PCDHGB5: variants seen among roughly 807,000 people sequenced by gnomAD.
PCDHGB5 encodes protocadherin gamma-B5.
Under a neutral mutation model 62.9 loss-of-function variants are expected in PCDHGB5, and 48 were observed. The observed-to-expected ratio is 0.76, with a 90% confidence interval of 0.61 to 0.97. PCDHGB5 has a LOEUF of 0.97. PCDHGB5 is among the 50% of genes least tolerant of loss of function. PCDHGB5 has a pLI of 0.00. For missense variants in PCDHGB5, 1,118 were observed against 1,198.6 expected (o/e 0.93, Z 0.99); for synonymous variants, 474 against 511.2 (o/e 0.93, Z 0.98).
chr5:141,478,901 A>T (rs2099483520), intron 1 of PCDHGB5: 2 of 1,002,034 alleles, frequency 2.0e-6, no homozygotes, highest in African/African-American at 3.3e-5. Flanking sequence ...ATTAGGAATA[A>T]GCTGCTGGAT....
At chr5:141,494,355 G>T (rs910437011) in intron 1 of PCDHGB5, among the ~76,000 whole-genome samples, 4 of 152,234 alleles carry the variant, frequency 2.6e-5, no homozygotes, top group African/African-American at 9.6e-5. Flanking sequence ...CCATCTTGCT[G>T]CAGAGGATGC....
intron 2 of PCDHGB5, among the ~76,000 whole-genome samples, chr5:141,496,841 G>C (rs2099771828): frequency 6.6e-6 from 1 of 151,398 alleles, no homozygotes; most frequent in South Asian, 2.1e-4. Context: ...GAACTCATAG[G>C]CTTCCAGACC....
rs2099705703 is a variant in PCDHGB5, at chr5:141,490,886, C to A, written c.2398-3921C>A. On this transcript the variant is annotated intron_variant, in intron 1 of 3. Transcript: ENST00000617380. This position sits in a 1 kb window ranked among gnomAD's most constrained non-coding sequence, Gnocchi z 5.4. The stretch of plus-strand genomic sequence containing the variant: ...TCTCCCCCATTGCATGCCAACACAT[C>A]TCTGCATGTGTTTGTCCTAGACGAG... The A allele has an allele frequency of 6.2e-7, 1 of 1,613,406 alleles. No homozygotes were observed. Among genetic ancestry groups the A allele is most frequent in the East Asian group, 2.2e-5 (1 of 44,878 alleles).
chr5:141,486,617 C>A lies in PCDHGB5; in HGVS notation c.2398-8190C>A. On this transcript the variant is annotated intron_variant, in intron 1 of 3. Coordinates refer to ENST00000617380, the MANE Select transcript of PCDHGB5 (RefSeq NM_018925.3). The surrounding 1 kb of genome is among the most constrained non-coding windows in gnomAD (Gnocchi z 5.0). The stretch of plus-strand genomic sequence containing the variant: ...GCTTTGCTCCCTTGCAGCCTCTGAC[C>A]CAGACTCTGGCTTGAATGCGCTTAT... The A allele has an allele frequency of 1.2e-6, 2 of 1,613,602 alleles. No homozygotes were observed. The highest frequency in any genetic ancestry group is 2.2e-5 in the East Asian group (1 of 44,874).
At chr5:141,478,526 G>A (rs1402123535) in intron 1 of PCDHGB5, 1 of 1,609,906 alleles carries the variant, frequency 6.2e-7, no homozygotes, top group Admixed American at 1.7e-5. Context: ...GTTGGGTGCA[G>A]AGAGCGCCCC....
intron 1 of PCDHGB5, among the ~76,000 whole-genome samples, chr5:141,483,522 C>G (rs557644901): frequency 9.3e-6 from 1 of 107,172 alleles, no homozygotes; most frequent in African/African-American, 3.9e-5. Flanking sequence ...TAGATCCTGA[C>G]TAAGGAAGCT....
At position 141,422,119 on chromosome 5, in the gene PCDHGB5, C is replaced by T. The variant is rs778866054; in HGVS notation, c.2397+21595C>T. 26 of 1,603,658 alleles carry T rather than the reference C, an allele frequency of 1.6e-5. No homozygotes were observed. In the Admixed American group the frequency reaches 4.2e-4, roughly 26 times the overall value. ...TTCTGAAATATTCCAATTGGATTCA[C>T]AAACTGGAGAAGTTCAAGTACGGGG... On this transcript the variant is annotated intron_variant, in intron 1 of 3. Transcript: ENST00000617380.
chr5:141,435,990 T>C (rs1175877769), intron 1 of PCDHGB5, among the ~76,000 whole-genome samples: 1 of 152,162 alleles, frequency 6.6e-6, no homozygotes, highest in Non-Finnish European at 1.5e-5. Flanking sequence ...TTGTGTGATT[T>C]TTTGAAAGAA....
At chr5:141,475,892 G>A (rs1279219556) in intron 1 of PCDHGB5, 1 of 568,264 alleles carries the variant, frequency 1.8e-6, no homozygotes, top group Non-Finnish European at 3.1e-6. Context: ...GGGACTCTGT[G>A]TGCCGCTGTC....
chr5:141,421,838 A>G (rs2096604619), intron 1 of PCDHGB5: 1 of 1,613,764 alleles, frequency 6.2e-7, no homozygotes, highest in East Asian at 2.2e-5. Flanking sequence ...CTGGACCGAG[A>G]GAAAGAGGCT....
intron 1 of PCDHGB5, chr5:141,441,139 G>C (rs1000704603): frequency 6.6e-6 from 1 of 152,172 alleles, no homozygotes; most frequent in African/African-American, 2.4e-5. Context: ...ATTTCTAGAA[G>C]ATAATGACAA....
intron 1 of PCDHGB5, chr5:141,403,323 C>G: frequency 6.2e-7 from 1 of 1,613,958 alleles, no homozygotes; most frequent in Non-Finnish European, 8.5e-7. Flanking sequence ...ATAGAAGTAA[C>G]TGATATTAAC....
rs373421472 is a variant in PCDHGB5, at chr5:141,472,201, A to G, written c.2398-22606A>G. ...GTATTGGAATTTGAATCTTTTTGAC[A>G]CTAAGACCTTACTCTCGATCATATA... is the stretch of plus-strand genomic sequence containing the variant. On this transcript the variant is annotated intron_variant, in intron 1 of 3. Coordinates refer to ENST00000617380, the MANE Select transcript of PCDHGB5 (RefSeq NM_018925.3). Among the ~76,000 whole-genome samples the G allele has an allele frequency of 5.6e-4, 86 of 152,320 alleles. 2 individuals are homozygous for G. The South Asian group carries it at 0.017, about 30-fold the overall frequency.
chr5:141,457,270 T>C (rs1338894991), intron 1 of PCDHGB5, among the ~76,000 whole-genome samples: 2 of 152,234 alleles, frequency 1.3e-5, no homozygotes. Flanking sequence ...TTCCCCTCTG[T>C]GGGCCTACGA....
chr5:141,409,258 C>G (rs2095247947), intron 1 of PCDHGB5: 2 of 1,613,918 alleles, frequency 1.2e-6, no homozygotes, highest in Non-Finnish European at 8.5e-7. Flanking sequence ...TCACTTCTCT[C>G]TCTGATCAGA....
At chr5:141,501,313 ACAC>A (rs2099807743) in intron 2 of PCDHGB5, among the ~76,000 whole-genome samples, 1 of 151,686 alleles carries the variant, frequency 6.6e-6, no homozygotes, top group Non-Finnish European at 1.5e-5. Context: ...ACACACACAC[ACAC>A]ACACACACAC....
chr5:141,473,476 A>G (rs1300050332), intron 1 of PCDHGB5, among the ~76,000 whole-genome samples: 15 of 151,558 alleles, frequency 9.9e-5, no homozygotes, highest in Admixed American at 9.2e-4. Context: ...GCCAAGTTCA[A>G]TGGAAAAAAT....
chr5:141,408,239 C>A, intron 1 of PCDHGB5: 2 of 1,577,720 alleles, frequency 1.3e-6, no homozygotes, highest in South Asian at 2.3e-5. Flanking sequence ...CCGGGCCGGC[C>A]CGCGGCAGGT....
At chr5:141,422,911 G>A (rs375046528) in intron 1 of PCDHGB5, 5 of 1,614,118 alleles carry the variant, frequency 3.1e-6, no homozygotes, top group African/African-American at 2.7e-5. Flanking sequence ...CAATGCGCCC[G>A]AGATCCTGTA....
Sources: allele counts gnomAD v4.1 joint callset (sites outside exome capture counted in the v4.1 genomes callset), GRCh38; gene constraint gnomAD v4.1.1; non-coding constraint Gnocchi (gnomAD v3.1); transcripts MANE v1.5; gene names NCBI Gene and HGNC (gene_info 2026-07-23, HGNC 2026-07-21).